Variants in BTG4 observed in about 807,000 individuals in gnomAD.
BTG4 encodes the protein BTG anti-proliferation factor 4.
BTG4 carries 10 observed loss-of-function variants against 19.3 expected under a neutral mutation model. The observed-to-expected ratio is 0.52, with a 90% CI of 0.32 to 0.88. The LOEUF (loss-of-function observed/expected upper bound fraction) is 0.88. Among genes scored for constraint, BTG4 ranks in the 40% least tolerant of loss-of-function variants. The pLI is 0.04. For missense variants in BTG4, 238 were observed against 281.9 expected, an observed-to-expected ratio of 0.84 and a Z score of 1.11; for synonymous variants, 91 against 95.7, an observed-to-expected ratio of 0.95 and a Z score of 0.29.
At chr11:111,409,422 G>T in the BTG4 span, among the ~76,000 whole-genome samples, 3 of 152,144 alleles carry the variant, frequency 2.0e-5, no homozygotes, top group Admixed American at 6.5e-5. Context: ...AAATGGATTG[G>T]TTCTTGGGAA....
the BTG4 span, among the ~76,000 whole-genome samples, chr11:111,394,080 C>T: frequency 6.6e-6 from 1 of 152,180 alleles, no homozygotes; most frequent in Non-Finnish European, 1.5e-5. Context: ...CATCATGAAG[C>T]CTCACAATAG....
chr11:111,501,371 C>G (rs946538785), intron 1 of BTG4, among the ~76,000 whole-genome samples: 1 of 151,186 alleles, frequency 6.6e-6, no homozygotes, highest in Non-Finnish European at 1.5e-5. Flanking sequence ...GACCCTCTCT[C>G]AAAAAAATAA....
chr11:111,463,650 G>A (rs1863546016), downstream of BTG4, among the ~76,000 whole-genome samples: 1 of 152,232 alleles, frequency 6.6e-6, no homozygotes, highest in African/African-American at 2.4e-5. Context: ...GTTATTGATT[G>A]CCATGTAAGA....
In BTG4 at chr11:111,498,770, C is replaced by T; in HGVS notation, c.7G>A (p.Asp3Asn). Residue 3 changes from aspartate (D) to asparagine (N), a missense_variant, in exon 2 of 5, where the codon GAT (aspartate) becomes AAT (asparagine). Asp to Asn is a conservative substitution (Grantham distance 23). Coordinates refer to ENST00000692032, the MANE Select transcript of BTG4 (RefSeq NM_001367975.1). ...AAGAAAACTGTTGTTGCAATTTCAT[C>T]TCTCATGATTCAAGAAAAATAGATA... MRDEIATTVFFVT... is the reference protein window; with the variant it reads MRNEIATTVFFVT... 4.3e-6 allele frequency: 7 copies of T among 1,609,404 alleles called. No homozygotes were observed. Among genetic ancestry groups the T allele is most frequent in the Non-Finnish European group, 5.9e-6 (7 of 1,178,248 alleles).
chr11:111,478,019 C>A (rs146798540), intron 5 of BTG4, among the ~76,000 whole-genome samples: 1 of 152,150 alleles, frequency 6.6e-6, no homozygotes, highest in East Asian at 1.9e-4. Context: ...TAGTTCAAAC[C>A]CTCCTCCACC....
intron 5 of BTG4, among the ~76,000 whole-genome samples, chr11:111,480,490 C>T (rs1168807792): frequency 6.6e-6 from 1 of 151,980 alleles, no homozygotes; most frequent in Non-Finnish European, 1.5e-5. Context: ...ACATTCCCCC[C>T]AACAACAACA....
intron 1 of BTG4, among the ~76,000 whole-genome samples, chr11:111,510,394 C>A (rs941183671): frequency 1.3e-5 from 2 of 152,206 alleles, no homozygotes; most frequent in African/African-American, 4.8e-5. Flanking sequence ...TCCCTAATCA[C>A]CAAAAGCCCA....
At chr11:111,427,352 C>A in the BTG4 span, among the ~76,000 whole-genome samples, 46 of 152,238 alleles carry the variant, frequency 3.0e-4, no homozygotes, top group African/African-American at 9.9e-4. Flanking sequence ...GGGCCCATGG[C>A]GGTCAAGAAT....
chr11:111,427,712 G>A, the BTG4 span, among the ~76,000 whole-genome samples: 7 of 152,104 alleles, frequency 4.6e-5, no homozygotes, highest in East Asian at 7.7e-4. Flanking sequence ...CTGGCAGCTC[G>A]GGGACCCCAA....
At chr11:111,419,413 C>T in the BTG4 span, among the ~76,000 whole-genome samples, 16 of 152,390 alleles carry the variant, frequency 1.0e-4, no homozygotes, top group South Asian at 3.3e-3. Context: ...TTTGCCACCA[C>T]CACTTCCTGT....
At chr11:111,459,508 T>C in the BTG4 span, 2 of 152,404 alleles carry the variant, frequency 1.3e-5, no homozygotes, top group African/African-American at 2.4e-5. Context: ...ACAAATGTAG[T>C]GTTTGCAGGG....
At position 111,502,420 on chromosome 11, in the gene BTG4, C is replaced by T. The variant is rs139442631; in HGVS notation, c.-26-3618G>A. On this transcript the variant is annotated intron_variant, in intron 1 of 4. Transcript: ENST00000692032. The stretch of plus-strand genomic sequence containing the variant: ...AAGAAGATTTTAAGCTTATTTTACA[C>T]TTTTGATTGCTTAATAATGCCTTAA... Among the ~76,000 whole-genome samples, 579 of 152,268 alleles carry T rather than the reference C, an allele frequency of 3.8e-3. 7 individuals are homozygous for T. The highest frequency in any genetic ancestry group is 0.013 in the African/African-American group (552 of 41,560).
the BTG4 span, among the ~76,000 whole-genome samples, chr11:111,407,953 A>T: frequency 6.6e-6 from 1 of 152,290 alleles, no homozygotes; most frequent in African/African-American, 2.4e-5. Context: ...AAAAGTGTGG[A>T]GTGTCAGGGT....
chr11:111,415,663 G>A, the BTG4 span, among the ~76,000 whole-genome samples: 2 of 152,194 alleles, frequency 1.3e-5, no homozygotes, highest in Admixed American at 6.5e-5. Flanking sequence ...CCAGAGCAGA[G>A]CTGGGAGGGG....
intron 1 of BTG4, among the ~76,000 whole-genome samples, chr11:111,499,533 T>C (rs990727528): frequency 3.9e-5 from 6 of 152,218 alleles, no homozygotes; most frequent in African/African-American, 1.2e-4. Flanking sequence ...ATCTATATTT[T>C]CTATTTTGCT....
downstream of BTG4, among the ~76,000 whole-genome samples, chr11:111,494,255 T>C (rs1865587644): frequency 6.6e-6 from 1 of 152,158 alleles, no homozygotes; most frequent in South Asian, 2.1e-4. Context: ...AGCTACTAAA[T>C]GGCTTAAGTG....
chr11:111,394,844 T>G, the BTG4 span, among the ~76,000 whole-genome samples: 2 of 152,214 alleles, frequency 1.3e-5, no homozygotes, highest in Non-Finnish European at 2.9e-5. Flanking sequence ...TGGTCCTATC[T>G]TTGTTGGCTT....
the BTG4 span, among the ~76,000 whole-genome samples, chr11:111,439,228 G>T: frequency 1.3e-4 from 20 of 152,316 alleles, no homozygotes; most frequent in Non-Finnish European, 2.5e-4. Context: ...GCTTTTGATG[G>T]GTTCTGGAAC....
the BTG4 span, among the ~76,000 whole-genome samples, chr11:111,428,040 A>C: frequency 3.9e-5 from 6 of 152,152 alleles, no homozygotes; most frequent in African/African-American, 1.4e-4. Context: ...AGCAAGGATG[A>C]AGTTATAGGG....
Sources: gnomAD v4.1 joint callset for allele counts (sites outside exome capture counted in the v4.1 genomes callset) on GRCh38, gnomAD v4.1.1 for gene constraint, MANE v1.5 for transcripts, NCBI Gene and HGNC (gene_info 2026-07-23, HGNC 2026-07-21) for gene names.